The following GOLIM4 variants were observed in gnomAD, a reference collection of about 807,000 sequenced individuals.
GOLIM4 encodes golgi integral membrane protein 4, also known as 130 kDa golgi-localized phosphoprotein.
GOLIM4 carries 71 observed loss-of-function variants against 107.4 expected under a neutral mutation model. The ratio of observed to expected loss-of-function variants is 0.66; its 90% CI spans 0.55 to 0.81. The LOEUF (loss-of-function observed/expected upper bound fraction) is 0.81. Ranked by LOEUF, GOLIM4 falls within the 30% of genes least tolerant of loss-of-function variation. The probability of loss-of-function intolerance (pLI) is 0.00; values close to 1 mark genes in which losing one functional copy is unlikely to be tolerated. For missense variants in GOLIM4, 830 were observed against 826.1 expected (o/e 1.00, Z -0.06); for synonymous variants, 327 against 294.8 (o/e 1.11, Z -1.12).
chr3:168,010,663 C>G, intron 15 of GOLIM4, 80 bp downstream of exon 15: 1 of 1,076,510 alleles, frequency 9.3e-7, no homozygotes, highest in Admixed American at 1.7e-5. Flanking sequence ...GTACGTATCC[C>G]AAATACATAT....
At chr3:168,039,192 A>C (rs1173079457) in intron 7 of GOLIM4, among the ~76,000 whole-genome samples, 1 of 152,108 alleles carries the variant, frequency 6.6e-6, no homozygotes, top group Non-Finnish European at 1.5e-5. Flanking sequence ...GGCAGGACAA[A>C]CCTTGAGCAT....
intron 1 of GOLIM4, among the ~76,000 whole-genome samples, chr3:168,060,728 G>A (rs1720222333): frequency 1.3e-5 from 2 of 152,124 alleles, no homozygotes; most frequent in Non-Finnish European, 2.9e-5. Flanking sequence ...GATTCCCAGG[G>A]CCCAACTCAA....
chr3:168,032,823 G>T lies in GOLIM4; in HGVS notation c.873C>A (p.Asn291Lys), dbSNP rs767691984. ...CTGCTCTTCCAGGAACTGCTTCATG[G>T]TTCTGCCACACATCATTATTTCGAG... Reference protein sequence around the residue: ...EVSRNNDVWQNHEAVPGRAED... With the variant: ...EVSRNNDVWQKHEAVPGRAED... Residue 291 changes from asparagine (N) to lysine (K), a missense_variant, in exon 9 of 16, where the codon AAC becomes AAA. Coordinates refer to ENST00000470487, the MANE Select transcript of GOLIM4 (RefSeq NM_014498.5). 1.2e-6 allele frequency: 2 copies of T among 1,613,010 alleles called. No homozygotes were observed. The highest frequency in any genetic ancestry group is 1.7e-6 in the Non-Finnish European group (2 of 1,179,236).
rs753498130 is a variant in GOLIM4, at chr3:168,046,971, T to C, written c.291A>G (p.Gln97=). 5 of 1,363,644 alleles carry C rather than the reference T, an allele frequency of 3.7e-6. No individual in the cohort carries two copies. The South Asian group carries it at 4.0e-5, about 11-fold the overall frequency. The allele number at this position is 1,363,644 out of a possible 1,614,324, so 84.5% of individuals were successfully genotyped here. The change falls in exon 3 of 16, where the codon CAA becomes CAG. Residue 97 remains glutamine, a synonymous_variant. Transcript: ENST00000470487. ...TTACCCTTCCTTTATTTAATGTTTC[T>C]TGTGCTTCTAACTTATAAACAAGAA... ...EDFLVYKLEA[Q]ETLNKGRQDS...
At chr3:168,071,429 T>C (rs1720823688) in intron 1 of GOLIM4, among the ~76,000 whole-genome samples, 1 of 152,072 alleles carries the variant, frequency 6.6e-6, no homozygotes, top group Admixed American at 6.6e-5. Context: ...GCAGGAATGA[T>C]GAATGAATAC....
At chr3:168,040,440 A>G (rs572123994) in intron 7 of GOLIM4, among the ~76,000 whole-genome samples, 2 of 152,310 alleles carry the variant, frequency 1.3e-5, no homozygotes, top group East Asian at 3.9e-4. Flanking sequence ...TAGCAGCATA[A>G]AATCCTACAG....
chr3:168,051,578 T>G (rs756806227), intron 1 of GOLIM4, among the ~76,000 whole-genome samples: 12 of 152,164 alleles, frequency 7.9e-5, no homozygotes, highest in Non-Finnish European at 1.3e-4. Context: ...AATAGCAAAC[T>G]GTTAACGCAA....
At chr3:168,053,471 T>C (rs982839962) in intron 1 of GOLIM4, among the ~76,000 whole-genome samples, 1 of 152,230 alleles carries the variant, frequency 6.6e-6, no homozygotes, top group Admixed American at 6.5e-5. Context: ...ACATTGAGAT[T>C]TGCAAGTACC....
chr3:168,094,079 C>T (rs1722037849), intron 1 of GOLIM4, among the ~76,000 whole-genome samples: 2 of 152,104 alleles, frequency 1.3e-5, no homozygotes, highest in Non-Finnish European at 2.9e-5. Context: ...GGGGAGAAAG[C>T]TGCATAAGTA....
At chr3:168,088,275 G>A (rs996912811) in intron 1 of GOLIM4, among the ~76,000 whole-genome samples, 5 of 152,112 alleles carry the variant, frequency 3.3e-5, no homozygotes, top group African/African-American at 1.2e-4. Context: ...ATAGTGAAAG[G>A]AGCCACTTTT....
chr3:168,029,161 G>A (rs1385822276), intron 11 of GOLIM4, 62 bp downstream of exon 11: 2 of 1,083,184 alleles, frequency 1.8e-6, no homozygotes, highest in East Asian at 2.4e-5. Flanking sequence ...TTGGCTCACT[G>A]ATAATATACA....
rs1350151247 is a variant in GOLIM4, at chr3:168,013,315, G to A, written c.1861-2492C>T. On this transcript the variant is annotated intron_variant, in intron 14 of 15. Transcript: ENST00000470487. ...AGAAGGCCATTACATAATGGTCAAG[G>A]GATCAATTCAACAAGAAGAGCTAAC... Among the ~76,000 whole-genome samples the A allele has an allele frequency of 2.6e-5, 4 of 151,998 alleles. No homozygotes were observed. In the East Asian group the frequency reaches 7.7e-4, roughly 29 times the overall value.
intron 5 of GOLIM4, 42 bp from the exon 6 acceptor site, chr3:168,041,516 T>C: frequency 2.1e-6 from 2 of 938,854 alleles, no homozygotes; most frequent in Non-Finnish European, 3.4e-6. Context: ...GCCTTGAAAC[T>C]TTCAGGATTC....
At chr3:168,036,433 C>A (rs558923903) in intron 8 of GOLIM4, among the ~76,000 whole-genome samples, 1 of 152,114 alleles carries the variant, frequency 6.6e-6, no homozygotes, top group Admixed American at 6.5e-5. Context: ...CCCAGCTACT[C>A]GGGAGGCTGA....
At chr3:168,022,493 CAT>C (rs1344600648) in intron 14 of GOLIM4, among the ~76,000 whole-genome samples, 7 of 151,942 alleles carry the variant, frequency 4.6e-5, no homozygotes, top group African/African-American at 1.7e-4. Context: ...CTCATTTTGC[CAT>C]AGTCTGACAA....
rs776640778 is a variant in GOLIM4, at chr3:168,027,822, T to C, written c.1529A>G (p.Asn510Ser). Residue 510 changes from asparagine (N) to serine (S), a missense_variant, in exon 12 of 16, where the codon AAC becomes AGC. Transcript: ENST00000470487. ...QGEEGAYERD[N>S]QHQDEAEGDP... ...TCCTTCTGCTTCATCTTGGTGCTGG[T>C]TGTCTCTTTCATAGGCTAGCAAATC... is the stretch of plus-strand genomic sequence containing the variant. 3 of 1,610,074 alleles carry C rather than the reference T, an allele frequency of 1.9e-6. No individual in the cohort carries two copies.
chr3:168,090,676 C>A (rs372262863), intron 1 of GOLIM4, among the ~76,000 whole-genome samples: 1 of 152,122 alleles, frequency 6.6e-6, no homozygotes, highest in Non-Finnish European at 1.5e-5. Context: ...TAGGTATATA[C>A]CCAAAGGGAA....
At chr3:168,075,904 A>C (rs763132562) in intron 1 of GOLIM4, among the ~76,000 whole-genome samples, 12 of 152,084 alleles carry the variant, frequency 7.9e-5, no homozygotes, top group Non-Finnish European at 1.6e-4. Flanking sequence ...TCTAAAGGCC[A>C]ATATAATAAG....
chr3:168,012,844 G>C (rs1717134220), intron 14 of GOLIM4, among the ~76,000 whole-genome samples: 1 of 151,970 alleles, frequency 6.6e-6, no homozygotes, highest in African/African-American at 2.4e-5. Context: ...AATGCTGAGA[G>C]ATTTTGTCAC....
Sources: gnomAD v4.1 joint callset for allele counts (sites outside exome capture counted in the v4.1 genomes callset) on GRCh38, gnomAD v4.1.1 for gene constraint, MANE v1.5 for transcripts, NCBI Gene and HGNC (gene_info 2026-07-23, HGNC 2026-07-21) for gene names.